INVS: variants seen among roughly 807,000 people sequenced by gnomAD.
INVS encodes inversin.
In INVS, 86 loss-of-function variants were observed where a neutral mutation model predicts 108.8. That is an observed-to-expected ratio of 0.79 (90% CI 0.66 to 0.95). INVS has a LOEUF of 0.95. INVS is among the 40% of genes least tolerant of loss of function. The pLI, the probability that INVS is intolerant of heterozygous loss-of-function variation, is 0.00. For missense variants in INVS, 1,169 were observed against 1,297.4 expected (o/e 0.90, Z 1.52); for synonymous variants, 455 against 473.5 (o/e 0.96, Z 0.51).
chr9:100,114,066 C>A (rs944208974), intron 2 of INVS, among the ~76,000 whole-genome samples: 2 of 152,076 alleles, frequency 1.3e-5, no homozygotes. Context: ...ATAGCTGGAG[C>A]CATGGCATCT....
chr9:100,296,766 A>G lies in INVS; in HGVS notation c.2787-151A>G. 4.4e-6 allele frequency: 3 copies of G among 679,880 alleles called. No individual in the cohort carries two copies. The South Asian group carries it at 5.1e-5, about 11-fold the overall frequency. The allele number at this position is 679,880 out of a possible 1,614,324, so 42.1% of individuals were successfully genotyped here. A position where few individuals can be genotyped will look rare whatever the true frequency, so the allele number is the denominator to read the frequency against. On this transcript the variant is annotated intron_variant, in intron 14 of 16. Transcript: ENST00000262457. ...TAATGGAAAAAGAATTCCACATTCA[A>G]CATGCTGCCGCCAAAATTAGGAATG...
intron 3 of INVS, among the ~76,000 whole-genome samples, chr9:100,211,672 G>A (rs1434779740): frequency 6.6e-6 from 1 of 152,138 alleles, no homozygotes; most frequent in Non-Finnish European, 1.5e-5. Flanking sequence ...CAGCCTTAGA[G>A]CAACTAAAGA....
chr9:100,126,809 A>T (rs1827899984), intron 3 of INVS, among the ~76,000 whole-genome samples: 1 of 152,208 alleles, frequency 6.6e-6, no homozygotes, highest in African/African-American at 2.4e-5. Flanking sequence ...TCAAATTTAT[A>T]TATACAATGT....
chr9:100,190,940 A>G (rs537010190), intron 3 of INVS, among the ~76,000 whole-genome samples: 41 of 152,060 alleles, frequency 2.7e-4, no homozygotes, highest in Admixed American at 9.2e-4. Context: ...GGCTCACTGC[A>G]GCCTTGACCT....
intron 3 of INVS, among the ~76,000 whole-genome samples, chr9:100,203,991 C>CT (rs977060814): frequency 1.7e-4 from 25 of 151,180 alleles, no homozygotes; most frequent in African/African-American, 5.6e-4. Flanking sequence ...GATCCCAATG[C>CT]TTTTTTTTTC....
chr9:100,274,415 T>C (rs910270538), intron 12 of INVS, among the ~76,000 whole-genome samples: 7 of 152,216 alleles, frequency 4.6e-5, no homozygotes, highest in African/African-American at 1.7e-4. Context: ...TTTTCTTTGA[T>C]AGATATGTTG....
At position 100,264,942 on chromosome 9, in the gene INVS, G is replaced by GA; in HGVS notation, c.1571+15dup. The GA allele has an allele frequency of 6.8e-7, 1 of 1,465,054 alleles. No individual in the cohort carries two copies. Among genetic ancestry groups the GA allele is most frequent in the Non-Finnish European group, 9.4e-7 (1 of 1,064,694 alleles). 90.8% of individuals were successfully genotyped at this position (1,465,054 alleles called of 1,614,324 possible). A position where few individuals can be genotyped will look rare whatever the true frequency, so the allele number is the denominator to read the frequency against. ...CAATGAAGAGAGGTAAGTTGTTGTT[G>GA]ACTTTTTTTTTTTTTTTTGAGATGG... is the stretch of plus-strand genomic sequence containing the variant. On this transcript the variant is annotated intron_variant, in intron 11 of 16. Transcript: ENST00000262457.
At chr9:100,129,656 A>G in intron 3 of INVS, 1 of 698,450 alleles carries the variant, frequency 1.4e-6, no homozygotes. Flanking sequence ...TGAATAAAAT[A>G]CTATATACAT....
intron 3 of INVS, among the ~76,000 whole-genome samples, chr9:100,222,120 G>C (rs898521922): frequency 2.6e-5 from 4 of 152,062 alleles, no homozygotes; most frequent in East Asian, 3.9e-4. Flanking sequence ...ATTACAATCA[G>C]ATCTTTCTGT....
At chr9:100,261,819 A>G (rs192536029) in intron 10 of INVS, among the ~76,000 whole-genome samples, 1 of 152,320 alleles carries the variant, frequency 6.6e-6, no homozygotes. Context: ...CTTGAATAGA[A>G]TTGGTGATAA....
At chr9:100,117,612 C>T (rs1827582787) in intron 2 of INVS, 3 of 647,168 alleles carry the variant, frequency 4.6e-6, no homozygotes, top group East Asian at 5.6e-5. Flanking sequence ...GCCCCCCGCC[C>T]CCCCCGCCCA....
chr9:100,136,656 G>A (rs201417404), intron 3 of INVS, among the ~76,000 whole-genome samples: 4 of 152,174 alleles, frequency 2.6e-5, no homozygotes, highest in Admixed American at 1.3e-4. Flanking sequence ...ATTTGAACAC[G>A]TTTAAATGTT....
At chr9:100,148,405 T>C (rs1828696896) in intron 3 of INVS, among the ~76,000 whole-genome samples, 1 of 152,134 alleles carries the variant, frequency 6.6e-6, no homozygotes, top group Non-Finnish European at 1.5e-5. Flanking sequence ...ATTTTAAAAA[T>C]GATGGCAGCA....
intron 5 of INVS, 77 bp downstream of exon 5, chr9:100,229,904 G>A: frequency 7.2e-7 from 1 of 1,388,244 alleles, no homozygotes; most frequent in Non-Finnish European, 1.0e-6. Context: ...ATACAAAAGT[G>A]TATATTTGAC....
chr9:100,198,795 G>C (rs765922072), intron 3 of INVS, among the ~76,000 whole-genome samples: 1 of 151,798 alleles, frequency 6.6e-6, no homozygotes, highest in Non-Finnish European at 1.5e-5. Flanking sequence ...GTTTCACCAT[G>C]TTGGCCAGGA....
intron 1 of INVS, among the ~76,000 whole-genome samples, chr9:100,100,265 T>C (rs532630266): frequency 6.4e-4 from 97 of 151,886 alleles, no homozygotes; most frequent in Non-Finnish European, 1.2e-3. Context: ...CATAATGGCT[T>C]TCTCAGGGTG....
At chr9:100,125,061 C>G (rs1180908322) in intron 2 of INVS, among the ~76,000 whole-genome samples, 1 of 152,192 alleles carries the variant, frequency 6.6e-6, no homozygotes, top group Non-Finnish European at 1.5e-5. Flanking sequence ...CTTTTGCTAT[C>G]TTGATTCTGA....
At chr9:100,186,097 ATCTAC>A (rs1830048262) in intron 3 of INVS, among the ~76,000 whole-genome samples, 1 of 152,038 alleles carries the variant, frequency 6.6e-6, no homozygotes, top group Non-Finnish European at 1.5e-5. Flanking sequence ...CAAATGGTAG[ATCTAC>A]TTTTAGTTCC....
chr9:100,258,490 G>A (rs552063383), intron 10 of INVS, among the ~76,000 whole-genome samples: 3 of 152,272 alleles, frequency 2.0e-5, no homozygotes, highest in Admixed American at 6.5e-5. Context: ...GAGGCACTCT[G>A]ATTTTTAGAA....
Sources: gnomAD v4.1 joint callset for allele counts (sites outside exome capture counted in the v4.1 genomes callset) on GRCh38, gnomAD v4.1.1 for gene constraint, MANE v1.5 for transcripts, NCBI Gene and HGNC (gene_info 2026-07-23, HGNC 2026-07-21) for gene names.